Variants in ASB5 observed in about 807,000 individuals in gnomAD.
ASB5 encodes ankyrin repeat and SOCS box protein 5.
A neutral mutation model predicts 42.1 loss-of-function variants in ASB5; 45 were observed. That is an observed-to-expected ratio of 1.07 (90% CI 0.84 to 1.37). The LOEUF is 1.37. Among genes scored for constraint, ASB5 ranks in the 40% most tolerant of loss-of-function variants. ASB5 has a pLI of 0.00. For synonymous variants in ASB5, 147 were observed against 150.6 expected (o/e 0.98, Z 0.18); for missense variants, 402 against 399.8 (o/e 1.01, Z -0.05).
chr4:176,264,189 T>A (rs1754315860), intron 1 of ASB5, among the ~76,000 whole-genome samples: 1 of 152,136 alleles, frequency 6.6e-6, no homozygotes, highest in Admixed American at 6.6e-5. Flanking sequence ...AGAGCTTGAG[T>A]GTCACCAGAT....
At chr4:176,256,751 C>T (rs1754164805) in intron 1 of ASB5, among the ~76,000 whole-genome samples, 1 of 152,012 alleles carries the variant, frequency 6.6e-6, no homozygotes, top group South Asian at 2.1e-4. Flanking sequence ...CCAGCCTGGG[C>T]AACATGGTGA....
intron 1 of ASB5, among the ~76,000 whole-genome samples, chr4:176,227,277 TA>T (rs2126951123): frequency 6.6e-6 from 1 of 152,292 alleles, no homozygotes; most frequent in South Asian, 2.1e-4. Context: ...ACACACATAG[TA>T]AACACCATTC....
chr4:176,236,378 G>A (rs565469639), intron 1 of ASB5, among the ~76,000 whole-genome samples: 6 of 152,214 alleles, frequency 3.9e-5, no homozygotes, highest in Non-Finnish European at 5.9e-5. Flanking sequence ...TGTCTAGCAC[G>A]CAGTCAACAC....
chr4:176,257,036 G>A (rs1455855173), intron 1 of ASB5, among the ~76,000 whole-genome samples: 1 of 152,194 alleles, frequency 6.6e-6, no homozygotes, highest in African/African-American at 2.4e-5. Flanking sequence ...TGTTGTGAAT[G>A]TTGACATTAG....
chr4:176,225,538 C>A (rs901924243), intron 1 of ASB5, among the ~76,000 whole-genome samples, 197 bp from the exon 2 acceptor site: 1 of 152,042 alleles, frequency 6.6e-6, no homozygotes, highest in Non-Finnish European at 1.5e-5. Context: ...CCAACATGAG[C>A]CATGATGCAT....
At chr4:176,244,475 CAG>C (rs893567760) in intron 1 of ASB5, among the ~76,000 whole-genome samples, 3 of 152,166 alleles carry the variant, frequency 2.0e-5, no homozygotes, top group Non-Finnish European at 4.4e-5. Flanking sequence ...AAATCTGGAA[CAG>C]CTGTTTAAAA....
rs112037572 is a variant in ASB5 at position 176,222,397 on chromosome 4, G to T, written c.300C>A (p.Thr100=). 4,136 of 1,613,562 alleles carry T rather than the reference G, an allele frequency of 2.6e-3. 86 individuals carry two copies. In the African/African-American group the frequency reaches 0.046, roughly 18 times the overall value. The change falls in exon 3 of 7, where the codon ACC becomes ACA. Residue 100 remains threonine, a synonymous_variant. Coordinates refer to ENST00000296525, the MANE Select transcript of ASB5 (RefSeq NM_080874.4). ...LSQGYNVNAV[T]LDHVTPLHEA... The stretch of plus-strand genomic sequence containing the variant: ...CGTGCAATGGGGTGACATGGTCTAA[G>T]GTTACTGCATTTACATTATAACCCT...
intron 3 of ASB5, among the ~76,000 whole-genome samples, chr4:176,222,104 T>C (rs573792998): frequency 6.6e-6 from 1 of 152,212 alleles, no homozygotes; most frequent in Non-Finnish European, 1.5e-5. Context: ...GAATAGTCTA[T>C]ATTATGATGC....
chr4:176,226,654 C>T (rs13131036), intron 1 of ASB5, among the ~76,000 whole-genome samples: 140,446 of 152,254 alleles, frequency 0.92, 64,919 homozygotes, highest in Non-Finnish European at 0.94. Flanking sequence ...AGAATTAAGG[C>T]CACCAGATCA....
At chr4:176,245,961 G>A (rs1753903762) in intron 1 of ASB5, among the ~76,000 whole-genome samples, 2 of 151,938 alleles carry the variant, frequency 1.3e-5, no homozygotes, top group Admixed American at 1.3e-4. Flanking sequence ...ATGAGTTAAC[G>A]GGTGCAGCAA....
At chr4:176,238,565 G>T (rs1318178896) in intron 1 of ASB5, among the ~76,000 whole-genome samples, 2 of 152,170 alleles carry the variant, frequency 1.3e-5, no homozygotes, top group African/African-American at 4.8e-5. Context: ...AGGACTCCAA[G>T]GATTAACTGA....
chr4:176,269,168 C>T lies in ASB5; in HGVS notation c.-60G>A. The T allele has an allele frequency of 6.6e-7, 1 of 1,511,566 alleles. No individual in the cohort carries two copies. The highest frequency in any genetic ancestry group is 9.0e-7 in the Non-Finnish European group (1 of 1,108,234). The allele number at this position is 1,511,566 out of a possible 1,614,324, so 93.6% of individuals were successfully genotyped here. A position where few individuals can be genotyped will look rare whatever the true frequency, so the allele number is the denominator to read the frequency against. ...ATCCAAGTCTCAAATGTGCCTGGCT[C>T]TCGTCCGGGATGCTCCTGAACAGCT... On this transcript the variant is annotated 5_prime_UTR_variant, in exon 1 of 7. Transcript: ENST00000296525.
chr4:176,234,571 C>T (rs905136636), intron 1 of ASB5, among the ~76,000 whole-genome samples: 1 of 152,124 alleles, frequency 6.6e-6, no homozygotes. Context: ...CCTTAGAAAG[C>T]GAGACTCAGT....
At chr4:176,242,044 G>A (rs554493287) in intron 1 of ASB5, among the ~76,000 whole-genome samples, 7 of 152,164 alleles carry the variant, frequency 4.6e-5, no homozygotes, top group East Asian at 1.9e-4. Flanking sequence ...CTTTACCTCC[G>A]CATGTTGCTA....
At chr4:176,261,087 C>T (rs1383161248) in intron 1 of ASB5, among the ~76,000 whole-genome samples, 1 of 152,164 alleles carries the variant, frequency 6.6e-6, no homozygotes, top group African/African-American at 2.4e-5. Flanking sequence ...ACTTCACCTG[C>T]TTTTAATGGC....
intron 1 of ASB5, among the ~76,000 whole-genome samples, chr4:176,262,130 G>T (rs929094849): frequency 4.6e-5 from 7 of 152,100 alleles, no homozygotes; most frequent in African/African-American, 1.7e-4. Flanking sequence ...TTCTAAAAGA[G>T]ATAGTAAATT....
upstream of ASB5, among the ~76,000 whole-genome samples, chr4:176,270,874 G>T (rs192477052): frequency 1.6e-4 from 25 of 152,228 alleles, 1 homozygote; most frequent in East Asian, 4.4e-3. Flanking sequence ...AGTCACTGCA[G>T]ACTTCCTCTT....
At chr4:176,255,839 T>C (rs1349450939) in intron 1 of ASB5, among the ~76,000 whole-genome samples, 1 of 152,102 alleles carries the variant, frequency 6.6e-6, no homozygotes, top group Non-Finnish European at 1.5e-5. Context: ...CAAACCTGTA[T>C]CCCCTGAATC....
At chr4:176,239,154 G>A (rs1169942384) in intron 1 of ASB5, among the ~76,000 whole-genome samples, 2 of 152,282 alleles carry the variant, frequency 1.3e-5, no homozygotes, top group East Asian at 1.9e-4. Flanking sequence ...GACTGAAGGG[G>A]CCTATTCAGT....
Sources: gnomAD v4.1 joint callset for allele counts (sites outside exome capture counted in the v4.1 genomes callset) on GRCh38, gnomAD v4.1.1 for gene constraint, MANE v1.5 for transcripts, NCBI Gene and HGNC (gene_info 2026-07-23, HGNC 2026-07-21) for gene names.